The following ITPR3 variants were observed in gnomAD, a reference collection of about 807,000 sequenced individuals.
ITPR3 encodes inositol 1,4,5-trisphosphate-gated calcium channel ITPR3.
In ITPR3, 173 loss-of-function variants were observed where a neutral mutation model predicts 293.2. That is an observed-to-expected ratio of 0.59 (90% CI 0.52 to 0.67). The LOEUF (loss-of-function observed/expected upper bound fraction) is 0.67. ITPR3 is among the 30% of genes least tolerant of loss of function. The pLI is 0.00. For synonymous variants in ITPR3, 1,295 were observed against 1,444.4 expected (o/e 0.90, Z 2.35); for missense variants, 2,796 against 3,592.1 (o/e 0.78, Z 5.66).
At chr6:33,671,416 C>G (rs756408302) in intron 21 of ITPR3, 110 bp downstream of exon 21, 1 of 735,718 alleles carries the variant, frequency 1.4e-6, no homozygotes, top group Non-Finnish European at 2.2e-6. Context: ...CCCCACCCAA[C>G]CTGGCTCTGC....
rs777580424 is a variant in ITPR3 at position 33,671,322 on chromosome 6, G to A, written c.2728+16G>A. On this transcript the variant is annotated intron_variant, in intron 21 of 57. Coordinates refer to ENST00000605930, the MANE Select transcript of ITPR3 (RefSeq NM_002224.4). The stretch of plus-strand genomic sequence containing the variant: ...GACCCCGGTGGTGAGGCCTTTGCCC[G>A]GCTCGGGCCACCCTGGTGGTCCTCA... 16 of 1,596,366 alleles carry A rather than the reference G, an allele frequency of 1.0e-5. No individual in the cohort carries two copies. Among genetic ancestry groups the A allele is most frequent in the Non-Finnish European group, 1.4e-5 (16 of 1,169,478 alleles).
At position 33,678,711 on chromosome 6, in the gene ITPR3, GT is replaced by G. The variant is rs755746198; in HGVS notation, c.3845del (p.Val1282GlyfsTer39). The G allele has an allele frequency of 1.2e-5, 19 of 1,613,352 alleles. No homozygotes were observed. Among genetic ancestry groups the G allele is most frequent in the Non-Finnish European group, 1.5e-5 (18 of 1,179,860 alleles). ...YQLCSEISEP[V>X]LQHFVHLLAT... Reference sequence around the variant, plus strand: ...GCTCTGCTCCGAGATCAGCGAGCCTGTGTTGCAGCACTTCGTGCACCTGCTG... The same window carrying G: ...GCTCTGCTCCGAGATCAGCGAGCCTGGTTGCAGCACTTCGTGCACCTGCTG... On this transcript the variant is annotated frameshift_variant, in exon 30 of 58. Coordinates refer to ENST00000605930, the MANE Select transcript of ITPR3 (RefSeq NM_002224.4). LOFTEE classifies it high-confidence loss of function.
At position 33,686,524 on chromosome 6, in the gene ITPR3, G is replaced by T; in HGVS notation, c.5979+5G>T. 4 of 1,609,570 alleles carry T rather than the reference G, an allele frequency of 2.5e-6. No individual in the cohort carries two copies. Among genetic ancestry groups the T allele is most frequent in the Non-Finnish European group, 3.4e-6 (4 of 1,175,858 alleles). Reference sequence around the variant, plus strand: ...GATCTGGTGCTGCAGCTCAAGGTGGGGCCCAGTGGCAGGTGTGTGAGTGCT... The same window carrying T: ...GATCTGGTGCTGCAGCTCAAGGTGGTGCCCAGTGGCAGGTGTGTGAGTGCT... On this transcript the variant is annotated splice_donor_5th_base_variant and intron_variant, in intron 43 of 57. Transcript: ENST00000605930.
chr6:33,680,302 G>A (rs561843685), intron 31 of ITPR3, 27 bp from the exon 32 acceptor site: 25 of 1,603,054 alleles, frequency 1.6e-5, no homozygotes, highest in Middle Eastern at 1.7e-4. Context: ...CCCTGCTTGC[G>A]CCCCTGACCT....
At position 33,658,384 on chromosome 6, in the gene ITPR3, C is replaced by T. The variant is rs905206080; in HGVS notation, c.370-286C>T. Among the ~76,000 whole-genome samples the T allele has an allele frequency of 3.9e-5, 6 of 152,176 alleles. No individual in the cohort carries two copies. Among genetic ancestry groups the T allele is most frequent in the African/African-American group, 1.4e-4 (6 of 41,434 alleles). The stretch of plus-strand genomic sequence containing the variant: ...TGAAATCAGGCAGTAATAGTACTTC[C>T]CTCTTGGATCGTTGTAGGTTACTTG... On this transcript the variant is annotated intron_variant, in intron 4 of 57. Coordinates refer to ENST00000605930, the MANE Select transcript of ITPR3 (RefSeq NM_002224.4). This position sits in a 1 kb window ranked among gnomAD's most constrained non-coding sequence, Gnocchi z 6.1.
intron 57 of ITPR3, 76 bp from the exon 58 acceptor site, chr6:33,695,636 A>G: frequency 7.0e-7 from 1 of 1,435,588 alleles, no homozygotes; most frequent in Non-Finnish European, 9.8e-7. Flanking sequence ...GACGGGTGCC[A>G]AGCTCTTCCA....
At chr6:33,634,445 G>T (rs1216524726) in intron 1 of ITPR3, among the ~76,000 whole-genome samples, 3 of 152,106 alleles carry the variant, frequency 2.0e-5, no homozygotes, top group Middle Eastern at 6.3e-3. Context: ...ACTCCTGACC[G>T]ACCCTCCCTG....
At chr6:33,628,732 T>C (rs888286262) in intron 1 of ITPR3, among the ~76,000 whole-genome samples, 13 of 152,170 alleles carry the variant, frequency 8.5e-5, no homozygotes, top group African/African-American at 2.9e-4. Flanking sequence ...CTATGTTTTT[T>C]TGGTCAGCAG....
Position 33,621,735 on chromosome 6 carries a change from G to T in ITPR3, c.89+44G>T. On this transcript the variant is annotated intron_variant, in intron 1 of 57. Coordinates refer to ENST00000605930, the MANE Select transcript of ITPR3 (RefSeq NM_002224.4). The surrounding 1 kb of genome is among the most constrained non-coding windows in gnomAD (Gnocchi z 7.7). ...AGAGGGGCGCGGGTAAAGAGGGGGC[G>T]CCGTGGGCCCTGGTGCCAGCTGCGT... 1 of 1,457,982 alleles carries T rather than the reference G, an allele frequency of 6.9e-7. No individual in the cohort carries two copies. The highest frequency in any genetic ancestry group is 9.4e-7 in the Non-Finnish European group (1 of 1,058,678). The allele number at this position is 1,457,982 out of a possible 1,614,324, so 90.3% of individuals were successfully genotyped here. A position where few individuals can be genotyped will look rare whatever the true frequency, so the allele number is the denominator to read the frequency against.
chr6:33,664,422 A>G lies in ITPR3; in HGVS notation c.1149-448A>G, dbSNP rs1305966342. ...CCTTCCCTGAAACTCTTGGGGGTAG[A>G]TGGATTTGGTATTCAGATTGTTTTT... is the stretch of plus-strand genomic sequence containing the variant. On this transcript the variant is annotated intron_variant, in intron 11 of 57. Transcript: ENST00000605930. The surrounding 1 kb of genome is among the most constrained non-coding windows in gnomAD (Gnocchi z 4.4). Among the ~76,000 whole-genome samples the G allele has an allele frequency of 6.6e-6, 1 of 152,178 alleles. No homozygotes were observed. Among genetic ancestry groups the G allele is most frequent in the Non-Finnish European group, 1.5e-5 (1 of 68,036 alleles).
rs781348292 is a variant in ITPR3 at position 33,678,624 on chromosome 6, T to C, written c.3772-15T>C. 5.0e-6 allele frequency: 8 copies of C among 1,608,072 alleles called. No individual in the cohort carries two copies. Among genetic ancestry groups the C allele is most frequent in the Non-Finnish European group, 6.8e-6 (8 of 1,177,748 alleles). On this transcript the variant is annotated splice_polypyrimidine_tract_variant and intron_variant, in intron 29 of 57. Transcript: ENST00000605930. Reference sequence around the variant, plus strand: ...GGGGCCCAGATCTCTTTCTGACAGATGCCCCCCACTGCAGCTCCTGGAGGC... The same window carrying C: ...GGGGCCCAGATCTCTTTCTGACAGACGCCCCCCACTGCAGCTCCTGGAGGC...
In ITPR3 at chr6:33,667,063, C is replaced by T; in HGVS notation, c.1552-66C>T. Reference sequence around the variant, plus strand: ...AGTCAGTTGGGACTCAGGGATGACTCCTGGGATGACTTAGGGGTACAGACA... The same window carrying T: ...AGTCAGTTGGGACTCAGGGATGACTTCTGGGATGACTTAGGGGTACAGACA... On this transcript the variant is annotated intron_variant, in intron 14 of 57. Transcript: ENST00000605930. This position sits in a 1 kb window ranked among gnomAD's most constrained non-coding sequence, Gnocchi z 4.4. The T allele has an allele frequency of 1.3e-6, 2 of 1,568,592 alleles. No individual in the cohort carries two copies. Among genetic ancestry groups the T allele is most frequent in the Non-Finnish European group, 1.7e-6 (2 of 1,151,312 alleles).
chr6:33,652,841 G>A (rs1764223597), intron 2 of ITPR3, among the ~76,000 whole-genome samples: 1 of 152,064 alleles, frequency 6.6e-6, no homozygotes, highest in South Asian at 2.1e-4. Flanking sequence ...CCAGGGGGAG[G>A]GAATGAGGTA....
chr6:33,664,854 TCCCA>T lies in ITPR3; in HGVS notation c.1149-9_1149-6del, dbSNP rs1266974087. On this transcript the variant is annotated splice_polypyrimidine_tract_variant and intron_variant, in intron 11 of 57. Transcript: ENST00000605930. The surrounding 1 kb of genome is among the most constrained non-coding windows in gnomAD (Gnocchi z 4.4). ...TGGTGCACTCCCCGAGTCCTTTCCCTCCCACCCACCTGCAGGAACTCGTACGTCC... is the reference window on the plus strand; with the variant it reads ...TGGTGCACTCCCCGAGTCCTTTCCCTCCCACCTGCAGGAACTCGTACGTCC... The T allele has an allele frequency of 1.2e-6, 2 of 1,612,028 alleles. No individual in the cohort carries two copies. The highest frequency in any genetic ancestry group is 1.7e-6 in the Non-Finnish European group (2 of 1,179,194).
Position 33,665,056 on chromosome 6 carries a change from G to C in ITPR3, c.1252G>C (p.Gly418Arg). The change falls in exon 13 of 58, where the codon GGC becomes CGC. Residue 418 changes from glycine to arginine, a missense_variant. Around this residue, in one of 8 missense-constraint regions of ITPR3, gnomAD observed 955 missense variants for 1,180.8 expected, o/e 0.81. Coordinates refer to ENST00000605930, the MANE Select transcript of ITPR3 (RefSeq NM_002224.4). Reference protein sequence around the residue: ...EEERPIRLMLGTCPTKEDKEA... With the variant: ...EEERPIRLMLRTCPTKEDKEA... ...CTGCTGACCCCTGTCTCTGCAGCTG[G>C]GCACCTGCCCCACCAAGGAGGACAA... 2.5e-6 allele frequency: 4 copies of C among 1,613,752 alleles called. No homozygotes were observed. Among genetic ancestry groups the C allele is most frequent in the Non-Finnish European group, 3.4e-6 (4 of 1,179,998 alleles).
In ITPR3 at chr6:33,684,241, T is replaced by C; in HGVS notation, c.4937+73T>C. 1 of 1,597,816 alleles carries C rather than the reference T, an allele frequency of 6.3e-7. No individual in the cohort carries two copies. ...GGACAGAGAAGGGCCCGGTGGGGACTAGACAGGCTCACTGGGTCAGAGGGC... is the reference window on the plus strand; with the variant it reads ...GGACAGAGAAGGGCCCGGTGGGGACCAGACAGGCTCACTGGGTCAGAGGGC... On this transcript the variant is annotated intron_variant, in intron 36 of 57. Coordinates refer to ENST00000605930, the MANE Select transcript of ITPR3 (RefSeq NM_002224.4). This position sits in a 1 kb window ranked among gnomAD's most constrained non-coding sequence, Gnocchi z 4.2.
Position 33,670,550 on chromosome 6 carries a change from G to A in ITPR3, c.2415G>A (p.Glu805=). 6.3e-7 allele frequency: 1 copy of A among 1,588,328 alleles called. No individual in the cohort carries two copies. The highest frequency in any genetic ancestry group is 1.1e-5 in the South Asian group (1 of 90,658). Residue 805 remains glutamate (E), a synonymous_variant, in exon 19 of 58, where the codon GAG becomes GAA. Transcript: ENST00000605930. This position sits in a 1 kb window ranked among gnomAD's most constrained non-coding sequence, Gnocchi z 6.7. ...TCAAGTTTGCCCGTCTCTGGACTGA[G>A]ATCCCCACAGCCATCACCATCAAGG... The part of the protein sequence containing the change: ...TPVKFARLWT[E]IPTAITIKDY...
At chr6:33,689,448 C>T (rs1363735324) in intron 50 of ITPR3, 38 bp downstream of exon 50, 3 of 1,598,844 alleles carry the variant, frequency 1.9e-6, no homozygotes, top group Non-Finnish European at 2.5e-6. Flanking sequence ...CAAACAAGCT[C>T]ATGCTCACTG....
intron 1 of ITPR3, among the ~76,000 whole-genome samples, chr6:33,636,425 G>A (rs1190788525): frequency 5.3e-5 from 8 of 152,058 alleles, no homozygotes; most frequent in African/African-American, 1.9e-4. Context: ...GAGCTGGTGG[G>A]AGCCTGGACA....
Sources: gnomAD v4.1 joint callset for allele counts (sites outside exome capture counted in the v4.1 genomes callset) on GRCh38, gnomAD v4.1.1 for gene constraint, gnomAD v4.1.1 regional missense constraint, Gnocchi (gnomAD v3.1) non-coding constraint, MANE v1.5 for transcripts, NCBI Gene and HGNC (gene_info 2026-07-23, HGNC 2026-07-21) for gene names.